NDFIP2: variants seen among roughly 807,000 people sequenced by gnomAD.
NDFIP2 encodes Nedd4 family interacting protein 2.
A neutral mutation model predicts 36.0 loss-of-function variants in NDFIP2; 19 were observed. The observed-to-expected ratio is 0.53, with a 90% confidence interval of 0.37 to 0.77. The LOEUF (loss-of-function observed/expected upper bound fraction) is 0.77. NDFIP2 is among the 30% of genes least tolerant of loss of function. The pLI, the probability that NDFIP2 is intolerant of heterozygous loss-of-function variation, is 0.00. For missense variants in NDFIP2, 446 were observed against 435.8 expected, an observed-to-expected ratio of 1.02 and a Z score of -0.21; for synonymous variants, 181 against 167.7, an observed-to-expected ratio of 1.08 and a Z score of -0.61.
At chr13:79,544,062 A>G (rs1218217714) in intron 5 of NDFIP2, among the ~76,000 whole-genome samples, 5 of 152,208 alleles carry the variant, frequency 3.3e-5, no homozygotes, top group Non-Finnish European at 5.9e-5. Flanking sequence ...CAGTTACTGC[A>G]CAAATATATG....
intron 1 of NDFIP2, among the ~76,000 whole-genome samples, chr13:79,506,941 C>T (rs1594845907): frequency 6.6e-6 from 1 of 151,966 alleles, no homozygotes; most frequent in Non-Finnish European, 1.5e-5. Context: ...TAAGAGTTCA[C>T]TAAAATTGGG....
At chr13:79,485,690 C>T (rs1169249448) in intron 1 of NDFIP2, among the ~76,000 whole-genome samples, 2 of 152,158 alleles carry the variant, frequency 1.3e-5, no homozygotes, top group East Asian at 1.9e-4. Context: ...TTTCAGTTCT[C>T]ATGTTGCTTG....
At chr13:79,510,289 T>G (rs1456915753) in intron 1 of NDFIP2, among the ~76,000 whole-genome samples, 5 of 152,064 alleles carry the variant, frequency 3.3e-5, no homozygotes. Flanking sequence ...ATCAGTGTAT[T>G]AAAAGTATTA....
intron 2 of NDFIP2, among the ~76,000 whole-genome samples, chr13:79,521,227 T>C (rs919709703): frequency 1.3e-5 from 2 of 152,122 alleles, no homozygotes; most frequent in African/African-American, 4.8e-5. Flanking sequence ...GAATGTGGTA[T>C]ATGTGACTGT....
chr13:79,546,290 G>T (rs1161713050), intron 5 of NDFIP2, among the ~76,000 whole-genome samples: 1 of 152,100 alleles, frequency 6.6e-6, no homozygotes, highest in Admixed American at 6.5e-5. Context: ...CTCGGATTTT[G>T]TGTAAATATC....
rs373766533 is a variant in NDFIP2 at position 79,543,553 on chromosome 13, T to C, written c.716-5T>C. 6.2e-7 allele frequency: 1 copy of C among 1,613,516 alleles called. No homozygotes were observed. Among genetic ancestry groups the C allele is most frequent in the Non-Finnish European group, 8.5e-7 (1 of 1,179,812 alleles). The stretch of plus-strand genomic sequence containing the variant: ...TTATAAAAGAACGGTTTCTGTTGCT[T>C]TTAGTGGCATTTATTTTCAACTGGC... On this transcript the variant is annotated splice_region_variant and splice_polypyrimidine_tract_variant and intron_variant, in intron 4 of 7. Coordinates refer to ENST00000218652, the MANE Select transcript of NDFIP2 (RefSeq NM_019080.3).
At chr13:79,485,357 G>A (rs1872927496) in intron 1 of NDFIP2, among the ~76,000 whole-genome samples, 2 of 152,202 alleles carry the variant, frequency 1.3e-5, no homozygotes, top group Admixed American at 1.3e-4. Flanking sequence ...ATGAGGAAAT[G>A]GAAAGCTTTA....
chr13:79,502,584 T>C (rs1873708224), intron 1 of NDFIP2, among the ~76,000 whole-genome samples: 1 of 152,114 alleles, frequency 6.6e-6, no homozygotes, highest in African/African-American at 2.4e-5. Context: ...GGAATAGTTA[T>C]CAGGAAGCTA....
intron 1 of NDFIP2, among the ~76,000 whole-genome samples, chr13:79,504,685 A>C (rs1362998530): frequency 6.6e-6 from 1 of 151,586 alleles, no homozygotes; most frequent in East Asian, 1.9e-4. Context: ...GGTTCAGGTC[A>C]GTTATTTTGT....
chr13:79,529,020 A>G (rs1297749599), intron 2 of NDFIP2, among the ~76,000 whole-genome samples: 1 of 152,162 alleles, frequency 6.6e-6, no homozygotes, highest in African/African-American at 2.4e-5. Context: ...ATAATACGTG[A>G]CATTTGTGTA....
rs754795531 is a variant in NDFIP2, at chr13:79,539,788, C to T, written c.715+13C>T. The T allele has an allele frequency of 5.0e-6, 8 of 1,609,686 alleles. No homozygotes were observed. In the South Asian group the frequency reaches 7.7e-5, roughly 15 times the overall value. On this transcript the variant is annotated intron_variant, in intron 4 of 7. Transcript: ENST00000218652. ...CTGGCATTTTTCAGTAAGTAATCTT[C>T]CTAAACTATTTTGGGTTGTTTTTAT...
At chr13:79,533,240 C>G (rs942994190) in intron 2 of NDFIP2, 83 bp from the exon 3 acceptor site, 16 of 1,284,688 alleles carry the variant, frequency 1.2e-5, no homozygotes, top group Non-Finnish European at 1.7e-5. Context: ...GTATTGGTGG[C>G]CAGTTGTAAA....
chr13:79,545,481 C>G (rs1875631276), intron 5 of NDFIP2, among the ~76,000 whole-genome samples: 1 of 152,088 alleles, frequency 6.6e-6, no homozygotes. Flanking sequence ...CCTTAAAATA[C>G]TTTTACTGAG....
intron 1 of NDFIP2, among the ~76,000 whole-genome samples, chr13:79,507,789 A>G (rs1247978240): frequency 1.3e-5 from 2 of 152,064 alleles, no homozygotes; most frequent in Non-Finnish European, 2.9e-5. Flanking sequence ...CGTGGACATA[A>G]TAGATGTTAA....
At chr13:79,493,761 T>A (rs1873333251) in intron 1 of NDFIP2, among the ~76,000 whole-genome samples, 1 of 152,134 alleles carries the variant, frequency 6.6e-6, no homozygotes, top group Non-Finnish European at 1.5e-5. Context: ...AGAGCATGAA[T>A]GGTATAGCTT....
At chr13:79,514,251 T>C (rs1254979583) in intron 1 of NDFIP2, among the ~76,000 whole-genome samples, 1 of 152,222 alleles carries the variant, frequency 6.6e-6, no homozygotes, top group Non-Finnish European at 1.5e-5. Flanking sequence ...AGAATACTTG[T>C]GTTAGCAAGG....
chr13:79,506,004 CTG>C (rs1387744074), intron 1 of NDFIP2, among the ~76,000 whole-genome samples: 1 of 152,142 alleles, frequency 6.6e-6, no homozygotes, highest in Non-Finnish European at 1.5e-5. Flanking sequence ...GTTGTAGAAT[CTG>C]TGATGATCTT....
intron 1 of NDFIP2, among the ~76,000 whole-genome samples, chr13:79,486,991 C>T (rs1183837917): frequency 6.6e-6 from 1 of 152,098 alleles, no homozygotes; most frequent in African/African-American, 2.4e-5. Flanking sequence ...TCATAGGGAC[C>T]CCACCCTCAT....
chr13:79,508,236 G>C (rs561734979), intron 1 of NDFIP2, among the ~76,000 whole-genome samples: 10 of 152,234 alleles, frequency 6.6e-5, no homozygotes, highest in Admixed American at 5.9e-4. Context: ...ATTTCCATGT[G>C]AGAATTTCCT....
Sources: gnomAD v4.1 joint callset for allele counts (sites outside exome capture counted in the v4.1 genomes callset) on GRCh38, gnomAD v4.1.1 for gene constraint, MANE v1.5 for transcripts, NCBI Gene and HGNC (gene_info 2026-07-23, HGNC 2026-07-21) for gene names.